RNF217: variants seen among roughly 807,000 people sequenced by gnomAD.
RNF217 encodes ring finger protein 217, also known as E3 ubiquitin-protein ligase RNF217.
A neutral mutation model predicts 57.8 loss-of-function variants in RNF217; 31 were observed. That is an observed-to-expected ratio of 0.54 (90% CI 0.40 to 0.72). The LOEUF is 0.72. Ranked by LOEUF, RNF217 falls within the 30% of genes least tolerant of loss-of-function variation. RNF217 has a pLI of 0.00. For missense variants in RNF217, 696 were observed against 708.3 expected, an observed-to-expected ratio of 0.98 and a Z score of 0.20; for synonymous variants, 313 against 294.0, an observed-to-expected ratio of 1.06 and a Z score of -0.66.
intron 4 of RNF217, among the ~76,000 whole-genome samples, chr6:125,079,799 A>G (rs571283713): frequency 1.1e-4 from 16 of 152,196 alleles, no homozygotes; most frequent in Non-Finnish European, 1.8e-4. Flanking sequence ...GAAACAAAAA[A>G]TTAAGTATAG....
intron 1 of RNF217, among the ~76,000 whole-genome samples, chr6:125,036,042 C>T (rs1389224503): frequency 3.3e-5 from 5 of 151,956 alleles, no homozygotes; most frequent in Admixed American, 6.6e-5. Flanking sequence ...GCCCCGCATG[C>T]GATAGTTATT....
intron 4 of RNF217, among the ~76,000 whole-genome samples, chr6:125,079,191 A>G (rs1383747195): frequency 6.6e-6 from 1 of 152,168 alleles, no homozygotes; most frequent in Non-Finnish European, 1.5e-5. Flanking sequence ...AGATTTGGGG[A>G]TGATTAGCAG....
chr6:125,059,894 G>A (rs751360897), intron 3 of RNF217, among the ~76,000 whole-genome samples: 1 of 152,198 alleles, frequency 6.6e-6, no homozygotes, highest in Non-Finnish European at 1.5e-5. Flanking sequence ...CATGGAATCA[G>A]TGGACATTAT....
chr6:125,023,141 G>A (rs1160390250), intron 1 of RNF217, among the ~76,000 whole-genome samples: 1 of 152,142 alleles, frequency 6.6e-6, no homozygotes, highest in African/African-American at 2.4e-5. Context: ...ACCTGATACA[G>A]TTTTGAGGTA....
intron 1 of RNF217, among the ~76,000 whole-genome samples, chr6:125,016,387 C>T (rs1785603227): frequency 6.6e-6 from 1 of 151,996 alleles, no homozygotes; most frequent in Admixed American, 6.6e-5. Context: ...TATACTAAAG[C>T]TGTGTTTTGA....
intron 1 of RNF217, among the ~76,000 whole-genome samples, chr6:125,013,408 T>C (rs1785490823): frequency 6.7e-6 from 1 of 149,958 alleles, no homozygotes; most frequent in Admixed American, 6.7e-5. Flanking sequence ...GAGAGCATGG[T>C]CGTGGAACGG....
intron 5 of RNF217, chr6:125,082,384 C>A: frequency 6.9e-7 from 1 of 1,440,134 alleles, no homozygotes; most frequent in Non-Finnish European, 9.3e-7. Flanking sequence ...AAGTATCTGA[C>A]ATTTAAGTTC....
intron 4 of RNF217, among the ~76,000 whole-genome samples, chr6:125,079,709 G>A (rs752177491): frequency 2.0e-5 from 3 of 152,210 alleles, no homozygotes; most frequent in Admixed American, 6.5e-5. Context: ...TGATACTAAT[G>A]TGAAGGCCAT....
At position 125,076,779 on chromosome 6, in the gene RNF217, C is replaced by T. The variant is rs529969789; in HGVS notation, c.1404C>T (p.Asn468=). ...QLRFFGDHTS[N]LSIFGCKYRY... ...GATTTTTTGGAGACCACACATCAAA[C>T]CTCAGTATATTTGGATGCAAATATC... The change falls in exon 4 of 6, where the codon AAC becomes AAT. Residue 468 remains asparagine (N), a synonymous_variant. Coordinates refer to ENST00000521654, the MANE Select transcript of RNF217 (RefSeq NM_001286398.3). 2 of 1,613,488 alleles carry T rather than the reference C, an allele frequency of 1.2e-6. No individual in the cohort carries two copies. Among genetic ancestry groups the T allele is most frequent in the Admixed American group, 1.7e-5 (1 of 59,920 alleles).
intron 1 of RNF217, among the ~76,000 whole-genome samples, chr6:124,965,810 T>G (rs140898694): frequency 3.3e-5 from 5 of 152,316 alleles, no homozygotes; most frequent in Admixed American, 2.0e-4. Context: ...CCCCACGCTC[T>G]CTCTCTTTTT....
At chr6:125,058,190 A>C (rs2114587447) in intron 3 of RNF217, 84 bp downstream of exon 3, 42 of 1,217,298 alleles carry the variant, frequency 3.5e-5, no homozygotes, top group Non-Finnish European at 5.6e-6. Flanking sequence ...AGGGAATTAT[A>C]ACTGTCTTAA....
chr6:125,076,622 C>T (rs770112534), intron 3 of RNF217, 35 bp from the exon 4 acceptor site: 2 of 1,507,542 alleles, frequency 1.3e-6, no homozygotes, highest in East Asian at 2.3e-5. Context: ...ACTCAGCTAA[C>T]TCTTTCCTTC....
chr6:125,080,323 A>C (rs1040296582), intron 4 of RNF217, among the ~76,000 whole-genome samples: 3 of 152,158 alleles, frequency 2.0e-5, no homozygotes, highest in Non-Finnish European at 4.4e-5. Context: ...TTTAAATTAG[A>C]TATTTAAAAC....
chr6:124,967,326 C>A (rs1248460820), intron 1 of RNF217, among the ~76,000 whole-genome samples: 2 of 152,162 alleles, frequency 1.3e-5, no homozygotes, highest in African/African-American at 4.8e-5. Context: ...TTATCTGTTG[C>A]CTTCTTTGTT....
rs970439783 is a variant in RNF217 at position 125,038,961 on chromosome 6, C to T, written c.883-6250C>T. 2.0e-4 allele frequency among the ~76,000 whole-genome samples: 30 copies of T among 152,172 alleles called. No individual in the cohort carries two copies. In the South Asian group the frequency reaches 2.7e-3, roughly 14 times the overall value. On this transcript the variant is annotated intron_variant, in intron 1 of 5. Coordinates refer to ENST00000521654, the MANE Select transcript of RNF217 (RefSeq NM_001286398.3). ...GGGTACTAAGCCCCACATGCATTAG[C>T]TGTTTCTCCTAATGCTCTCCCTCCC...
chr6:124,990,189 G>A (rs569217351), intron 1 of RNF217, among the ~76,000 whole-genome samples: 1 of 152,200 alleles, frequency 6.6e-6, no homozygotes, highest in South Asian at 2.1e-4. Flanking sequence ...TTTATTTTAT[G>A]ATTTGTTGTT....
chr6:125,063,950 T>A (rs555113374), intron 3 of RNF217, among the ~76,000 whole-genome samples: 1 of 152,214 alleles, frequency 6.6e-6, no homozygotes, highest in East Asian at 1.9e-4. Flanking sequence ...TGGGCAAGAA[T>A]GTATTGATTC....
chr6:125,037,666 A>G (rs1786695559), intron 1 of RNF217, among the ~76,000 whole-genome samples: 1 of 152,128 alleles, frequency 6.6e-6, no homozygotes, highest in South Asian at 2.1e-4. Flanking sequence ...TCTGAAATCA[A>G]TCTGCCCTGA....
At chr6:124,978,316 C>T (rs545948247) in intron 1 of RNF217, among the ~76,000 whole-genome samples, 11 of 151,976 alleles carry the variant, frequency 7.2e-5, no homozygotes, top group East Asian at 3.9e-4. Context: ...CTGCTTAGCC[C>T]GGCAGGCTGC....
Sources: gnomAD v4.1 joint callset for allele counts (sites outside exome capture counted in the v4.1 genomes callset) on GRCh38, gnomAD v4.1.1 for gene constraint, MANE v1.5 for transcripts, NCBI Gene and HGNC (gene_info 2026-07-23, HGNC 2026-07-21) for gene names.